Variants in PCDH11X observed in about 807,000 individuals in gnomAD.
PCDH11X encodes protocadherin 11 X-linked, also known as protocadherin-11 X-linked.
In PCDH11X, 18 loss-of-function variants were observed where a neutral mutation model predicts 53.3. That is an observed-to-expected ratio of 0.34 (90% CI 0.23 to 0.50). The LOEUF is 0.50. Ranked by LOEUF, PCDH11X falls within the 20% of genes least tolerant of loss-of-function variation. The probability of loss-of-function intolerance (pLI) is 0.98; values close to 1 mark genes in which losing one functional copy is unlikely to be tolerated. For synonymous variants in PCDH11X, 279 were observed against 393.3 expected, an observed-to-expected ratio of 0.71 and a Z score of 3.44; for missense variants, 570 against 1,032.4, an observed-to-expected ratio of 0.55 and a Z score of 6.14.
In PCDH11X at chrX:92,374,292, C is replaced by T. The variant is rs372606403; in HGVS notation, c.3145-13443C>T. The stretch of plus-strand genomic sequence containing the variant: ...ATCAATAATGCAACCCTTTAAAAAA[C>T]ATTTACCAAATTTTAAATTTCTGAA... On this transcript the variant is annotated intron_variant, in intron 8 of 10. Transcript: ENST00000682573. Among the ~76,000 whole-genome samples, 282 of 101,212 alleles carry T rather than the reference C, an allele frequency of 2.8e-3. 6 individuals are homozygous for T. The East Asian group carries it at 0.053, about 19-fold the overall frequency. The allele number at this position is 101,212 out of a possible 115,157, so 87.9% of individuals were successfully genotyped here. A position where few individuals can be genotyped will look rare whatever the true frequency, so the allele number is the denominator to read the frequency against.
Position 92,037,402 on chromosome X carries a change from C to T in PCDH11X, c.3033+158129C>T, listed in dbSNP as rs1287138616. On this transcript the variant is annotated intron_variant, in intron 6 of 10. Coordinates refer to ENST00000682573, the MANE Select transcript of PCDH11X (RefSeq NM_032968.5). Reference sequence around the variant, plus strand: ...AAGGACATGATCTCATTCCTTTTTACGGCTGCATAGTATTCCATGGTGTAT... The same window carrying T: ...AAGGACATGATCTCATTCCTTTTTATGGCTGCATAGTATTCCATGGTGTAT... Among the ~76,000 whole-genome samples the T allele has an allele frequency of 3.0e-4, 33 of 111,491 alleles. 2 individuals carry two copies. Among genetic ancestry groups the T allele is most frequent in the African/African-American group, 3.6e-4 (11 of 30,669 alleles).
At chrX:92,336,811 A>G (rs2069630739) in intron 8 of PCDH11X, among the ~76,000 whole-genome samples, 1 of 111,723 alleles carries the variant, frequency 9.0e-6, no homozygotes, top group South Asian at 3.7e-4. Flanking sequence ...AAAGTGTGTA[A>G]CATAAGGTTT....
intron 10 of PCDH11X, among the ~76,000 whole-genome samples, chrX:92,476,288 G>T (rs933582954): frequency 8.9e-6 from 1 of 111,811 alleles, no homozygotes; most frequent in Non-Finnish European, 1.9e-5. Context: ...ACCTAGTCTC[G>T]TGTGTGTCTT....
At chrX:92,546,735 G>A (rs1848358994) in intron 10 of PCDH11X, among the ~76,000 whole-genome samples, 1 of 111,107 alleles carries the variant, frequency 9.0e-6, no homozygotes, top group Non-Finnish European at 1.9e-5. Flanking sequence ...TTTCCTTGCA[G>A]TATTTCAAAC....
At position 92,020,068 on chromosome X, in the gene PCDH11X, C is replaced by G. The variant is rs140986020; in HGVS notation, c.3033+140795C>G. Among the ~76,000 whole-genome samples the G allele has an allele frequency of 3.6e-5, 4 of 112,461 alleles. No homozygotes were observed. The East Asian group carries it at 1.1e-3, about 32-fold the overall frequency. Reference sequence around the variant, plus strand: ...CCACTGAACTGTGCAACCCATGAACCAGAAGATTCCACTCGTGAGCCCATG... The same window carrying G: ...CCACTGAACTGTGCAACCCATGAACGAGAAGATTCCACTCGTGAGCCCATG... On this transcript the variant is annotated intron_variant, in intron 6 of 10. Coordinates refer to ENST00000682573, the MANE Select transcript of PCDH11X (RefSeq NM_032968.5).
At chrX:91,873,808 TTTATA>T (rs970137683) in intron 5 of PCDH11X, among the ~76,000 whole-genome samples, 56 of 111,891 alleles carry the variant, frequency 5.0e-4, no homozygotes, top group African/African-American at 1.7e-3. Context: ...CCTTGTTCTT[TTTATA>T]TTATATTATC....
chrX:92,557,975 T>C lies in PCDH11X; in HGVS notation c.3368-60289T>C, dbSNP rs766595170. On this transcript the variant is annotated intron_variant, in intron 10 of 10. Coordinates refer to ENST00000682573, the MANE Select transcript of PCDH11X (RefSeq NM_032968.5). ...CAGGGTGGCTGGATGGAGTGAGTGCTGAGCAAAGGGGGAAAAGCCCTTTAT... is the reference window on the plus strand; with the variant it reads ...CAGGGTGGCTGGATGGAGTGAGTGCCGAGCAAAGGGGGAAAAGCCCTTTAT... Among the ~76,000 whole-genome samples the C allele has an allele frequency of 3.2e-3, 357 of 110,044 alleles. 2 individuals carry two copies. The highest frequency in any genetic ancestry group is 0.011 in the African/African-American group (339 of 30,215).
At chrX:92,506,216 C>CTT (rs1180678297) in intron 10 of PCDH11X, among the ~76,000 whole-genome samples, 1,127 of 40,011 alleles carry the variant, frequency 0.028, 114 homozygotes, top group African/African-American at 0.033. Context: ...CTTTTCTTTT[C>CTT]TTTTTTTTTT....
chrX:92,170,861 G>A (rs957268132), intron 6 of PCDH11X, among the ~76,000 whole-genome samples: 2 of 91,922 alleles, frequency 2.2e-5, no homozygotes, highest in African/African-American at 7.7e-5. Context: ...GTGCAATCTC[G>A]GCTCATTGCA....
intron 5 of PCDH11X, among the ~76,000 whole-genome samples, chrX:91,837,230 A>G (rs749677386): frequency 9.9e-5 from 11 of 110,903 alleles, no homozygotes; most frequent in African/African-American, 2.9e-4. Context: ...GGAAGGCTAC[A>G]AACCTCTTGA....
chrX:91,944,022 A>ATT (rs2061540615), intron 6 of PCDH11X, among the ~76,000 whole-genome samples: 1 of 69,466 alleles, frequency 1.4e-5, no homozygotes, highest in African/African-American at 4.8e-5. Context: ...TATCTCCTGG[A>ATT]TTGTGTGTGT....
chrX:92,374,557 C>T (rs1281033173), intron 8 of PCDH11X, among the ~76,000 whole-genome samples: 1 of 109,516 alleles, frequency 9.1e-6, no homozygotes, highest in Non-Finnish European at 1.9e-5. Flanking sequence ...TTTTTTCCTC[C>T]TAACAAATGA....
intron 7 of PCDH11X, among the ~76,000 whole-genome samples, chrX:92,226,808 A>G (rs1258620866): frequency 1.8e-5 from 2 of 110,612 alleles, no homozygotes; most frequent in African/African-American, 3.3e-5. Context: ...CGTGTATGCT[A>G]TCCTTTTCTG....
At chrX:92,533,198 GC>G (rs2148728335) in intron 10 of PCDH11X, among the ~76,000 whole-genome samples, 1 of 111,129 alleles carries the variant, frequency 9.0e-6, no homozygotes, top group African/African-American at 3.3e-5. Context: ...GTAAAACATA[GC>G]CATAATACTT....
chrX:92,303,777 C>T (rs1333108848), intron 8 of PCDH11X, among the ~76,000 whole-genome samples: 1 of 110,235 alleles, frequency 9.1e-6, no homozygotes, highest in African/African-American at 3.3e-5. Flanking sequence ...CACTGCATTT[C>T]CTTCCCATGA....
At chrX:92,585,215 G>T (rs750227444) in intron 10 of PCDH11X, among the ~76,000 whole-genome samples, 134 of 110,193 alleles carry the variant, frequency 1.2e-3, no homozygotes, top group African/African-American at 4.1e-3. Flanking sequence ...CATTCATGAA[G>T]GATTCATCCC....
chrX:92,399,196 A>G (rs1226914991), intron 9 of PCDH11X, among the ~76,000 whole-genome samples: 1 of 108,181 alleles, frequency 9.2e-6, no homozygotes, highest in African/African-American at 3.4e-5. Context: ...CCGTGTCAAA[A>G]AAAAAAAAAA....
intron 6 of PCDH11X, among the ~76,000 whole-genome samples, chrX:92,082,817 A>G (rs959930979): frequency 8.9e-5 from 10 of 112,085 alleles, no homozygotes; most frequent in Non-Finnish European, 1.3e-4. Context: ...TTTCACAACA[A>G]GTGGCTTCTC....
intron 4 of PCDH11X, among the ~76,000 whole-genome samples, chrX:91,823,848 C>G (rs6618804): frequency 0.11 from 11,609 of 110,435 alleles, 1,573 homozygotes; most frequent in African/African-American, 0.37. Context: ...CTTCCTTCAG[C>G]AGCTCTTTTA....
Sources: gnomAD v4.1 joint callset for allele counts (sites outside exome capture counted in the v4.1 genomes callset) on GRCh38, gnomAD v4.1.1 for gene constraint, MANE v1.5 for transcripts, NCBI Gene and HGNC (gene_info 2026-07-23, HGNC 2026-07-21) for gene names.